LIN54: variants seen among roughly 807,000 people sequenced by gnomAD.
LIN54 encodes the protein lin-54 DREAM MuvB core complex component.
A neutral mutation model predicts 78.7 loss-of-function variants in LIN54; 9 were observed. The observed-to-expected ratio is 0.11, with a 90% confidence interval of 0.07 to 0.20. The LOEUF is 0.20. Among genes scored for constraint, LIN54 ranks in the 10% least tolerant of loss-of-function variants. The pLI is 1.00. For synonymous variants in LIN54, 269 were observed against 318.4 expected, an observed-to-expected ratio of 0.84 and a Z score of 1.65; for missense variants, 573 against 889.9, an observed-to-expected ratio of 0.64 and a Z score of 4.53.
In LIN54 at chr4:82,939,966, T is replaced by G; in HGVS notation, c.1169-4A>C. Reference sequence around the variant, plus strand: ...GTATTAACAACCACTGGCTTTGCTTTTTAAAAAACAAAAGAAGGATGAACA... The same window carrying G: ...GTATTAACAACCACTGGCTTTGCTTGTTAAAAAACAAAAGAAGGATGAACA... On this transcript the variant is annotated splice_region_variant and splice_polypyrimidine_tract_variant and intron_variant, in intron 5 of 12. Transcript: ENST00000340417. The G allele has an allele frequency of 6.3e-7, 1 of 1,588,486 alleles. No homozygotes were observed. The highest frequency in any genetic ancestry group is 8.5e-7 in the Non-Finnish European group (1 of 1,170,890).
At chr4:82,946,190 G>T in intron 5 of LIN54, 68 bp downstream of exon 5, 1 of 1,373,418 alleles carries the variant, frequency 7.3e-7, no homozygotes, top group Non-Finnish European at 1.0e-6. Context: ...ATTTCAGCAA[G>T]AAATGGACAA....
intron 1 of LIN54, among the ~76,000 whole-genome samples, chr4:82,986,969 C>G (rs527874480): frequency 6.6e-6 from 1 of 152,224 alleles, no homozygotes; most frequent in Middle Eastern, 3.4e-3. Flanking sequence ...AGAGCCAGGA[C>G]TCCAGCTCAG....
chr4:82,997,808 C>T (rs1001331331), intron 1 of LIN54, among the ~76,000 whole-genome samples: 1 of 151,532 alleles, frequency 6.6e-6, no homozygotes, highest in African/African-American at 2.4e-5. Context: ...GCCTGGCCAA[C>T]ATGGTGAAAC....
At chr4:83,007,032 C>T (rs890261280) in intron 1 of LIN54, among the ~76,000 whole-genome samples, 4 of 151,926 alleles carry the variant, frequency 2.6e-5, no homozygotes, top group Non-Finnish European at 5.9e-5. Flanking sequence ...CCCAGCTACT[C>T]GAGAGGCCGA....
rs1729783496 is a variant in LIN54, at chr4:83,010,537, A to G, written c.-86T>C. 8.4e-7 allele frequency: 1 copy of G among 1,194,730 alleles called. No homozygotes were observed. Among genetic ancestry groups the G allele is most frequent in the African/African-American group, 1.6e-5 (1 of 62,750 alleles). The allele number at this position is 1,194,730 out of a possible 1,614,324, so 74.0% of individuals were successfully genotyped here. On this transcript the variant is annotated 5_prime_UTR_variant, in exon 1 of 13. Coordinates refer to ENST00000340417, the MANE Select transcript of LIN54 (RefSeq NM_194282.4). ...CGGGCTCCGAGGTAGGGGCTCCAGA[A>G]GGTCCTGGGCAATCCCGAGCCCCGG...
chr4:83,010,509 C>T lies in LIN54; in HGVS notation c.-58G>A, dbSNP rs1729780438. On this transcript the variant is annotated 5_prime_UTR_variant, in exon 1 of 13. Transcript: ENST00000340417. ...CTCCAGCGGCTGCCGCTTTCTCCTCCCTCGGGCTCCGAGGTAGGGGCTCCA... is the reference window on the plus strand; with the variant it reads ...CTCCAGCGGCTGCCGCTTTCTCCTCTCTCGGGCTCCGAGGTAGGGGCTCCA... The T allele has an allele frequency of 1.7e-6, 2 of 1,174,336 alleles. No homozygotes were observed. The highest frequency in any genetic ancestry group is 4.4e-5 in the South Asian group (1 of 22,926). The allele number at this position is 1,174,336 out of a possible 1,614,324, so 72.7% of individuals were successfully genotyped here.
At chr4:82,955,964 T>C (rs891680417) in intron 4 of LIN54, among the ~76,000 whole-genome samples, 3 of 152,176 alleles carry the variant, frequency 2.0e-5, no homozygotes, top group East Asian at 1.9e-4. Context: ...CCTTTTAATA[T>C]ATTTGAAATT....
chr4:82,951,647 A>G (rs1723854439), intron 4 of LIN54, among the ~76,000 whole-genome samples: 1 of 152,210 alleles, frequency 6.6e-6, no homozygotes, highest in Non-Finnish European at 1.5e-5. Flanking sequence ...ATGGAGAATG[A>G]TAATAATGTG....
intron 4 of LIN54, among the ~76,000 whole-genome samples, chr4:82,957,989 T>C (rs912609302): frequency 6.6e-6 from 1 of 152,212 alleles, no homozygotes; most frequent in Non-Finnish European, 1.5e-5. Context: ...TCACCTAGTC[T>C]ATACTACACA....
Position 82,931,143 on chromosome 4 carries a change from T to C in LIN54, c.1848A>G (p.Ala616=). Residue 616 remains alanine (A), a splice_region_variant and synonymous_variant, in exon 12 of 13, where the codon GCA becomes GCG. Coordinates refer to ENST00000340417, the MANE Select transcript of LIN54 (RefSeq NM_194282.4). ...TGCATATTGAGGAACACATTATTTT[T>C]GCCTAAAAGATTTACATAAGAAAAG... ...CLKNYCECYE[A]KIMCSSICKC... is the part of the protein sequence containing the mutation. The C allele has an allele frequency of 6.2e-7, 1 of 1,613,688 alleles. No individual in the cohort carries two copies. Among genetic ancestry groups the C allele is most frequent in the Non-Finnish European group, 8.5e-7 (1 of 1,179,682 alleles).
intron 4 of LIN54, among the ~76,000 whole-genome samples, chr4:82,949,169 C>T (rs1056111391): frequency 3.9e-5 from 6 of 152,146 alleles, no homozygotes; most frequent in Non-Finnish European, 8.8e-5. Context: ...ACATCCTCAC[C>T]AACATTTATT....
intron 7 of LIN54, 42 bp from the exon 8 acceptor site, chr4:82,938,546 A>C (rs1472983558): frequency 9.0e-7 from 1 of 1,111,186 alleles, no homozygotes; most frequent in Non-Finnish European, 1.4e-6. Flanking sequence ...ATTTCCAAAA[A>C]TGGACAATAC....
intron 4 of LIN54, among the ~76,000 whole-genome samples, chr4:82,955,549 T>C (rs1724241071): frequency 6.6e-6 from 1 of 151,980 alleles, no homozygotes; most frequent in African/African-American, 2.4e-5. Context: ...GACAGACATA[T>C]AGAACTGGAT....
upstream of LIN54, among the ~76,000 whole-genome samples, chr4:83,011,193 T>C (rs1329352361): frequency 6.6e-6 from 1 of 152,220 alleles, no homozygotes; most frequent in Non-Finnish European, 1.5e-5. Context: ...AAAAACACTG[T>C]GAAAGACCTT....
At chr4:82,966,632 A>C (rs765259890) in intron 4 of LIN54, among the ~76,000 whole-genome samples, 2 of 151,942 alleles carry the variant, frequency 1.3e-5, no homozygotes, top group Non-Finnish European at 2.9e-5. Context: ...GGTTTCGTTT[A>C]CTTTTTGAGA....
chr4:82,970,995 C>T (rs375707955), intron 3 of LIN54, among the ~76,000 whole-genome samples: 22 of 152,218 alleles, frequency 1.4e-4, no homozygotes, highest in Admixed American at 9.8e-4. Context: ...TTTTTCTACC[C>T]ACCCCGGCCA....
At chr4:82,973,948 T>C (rs578094735) in intron 3 of LIN54, among the ~76,000 whole-genome samples, 42 of 152,266 alleles carry the variant, frequency 2.8e-4, no homozygotes, top group South Asian at 1.5e-3. Context: ...CAGTGGCTCA[T>C]GCCTGTAATC....
At chr4:82,972,429 CATAAAGTCAATTCTAAATAAACCAA>C (rs1725741421) in intron 3 of LIN54, among the ~76,000 whole-genome samples, 1 of 152,106 alleles carries the variant, frequency 6.6e-6, no homozygotes, top group South Asian at 2.1e-4. Context: ...ATCATAATTA[CATAAAGTCAATTCTAAATAAACCAA>C]ACGAATCTAC....
intron 1 of LIN54, among the ~76,000 whole-genome samples, chr4:82,986,282 A>G (rs1727128269): frequency 6.6e-6 from 1 of 151,758 alleles, no homozygotes; most frequent in Non-Finnish European, 1.5e-5. Flanking sequence ...CGCCCAGCTA[A>G]TTTTTTGTAT....
Sources: gnomAD v4.1 joint callset for allele counts (sites outside exome capture counted in the v4.1 genomes callset) on GRCh38, gnomAD v4.1.1 for gene constraint, MANE v1.5 for transcripts, NCBI Gene and HGNC (gene_info 2026-07-23, HGNC 2026-07-21) for gene names.